Variants in SYT1 observed in about 807,000 individuals in gnomAD.
The protein encoded by SYT1 is synaptotagmin-1.
A neutral mutation model predicts 44.8 loss-of-function variants in SYT1; 8 were observed. The ratio of observed to expected loss-of-function variants is 0.18; its 90% CI spans 0.10 to 0.32. The LOEUF is 0.32. SYT1 is among the 10% of genes least tolerant of loss of function. The pLI, the probability that SYT1 is intolerant of heterozygous loss-of-function variation, is 1.00. For missense variants in SYT1, 286 were observed against 509.3 expected, an observed-to-expected ratio of 0.56 and a Z score of 4.22; for synonymous variants, 154 against 188.8, an observed-to-expected ratio of 0.82 and a Z score of 1.51.
At chr12:79,280,209 A>G (rs1200667084) in intron 4 of SYT1, among the ~76,000 whole-genome samples, 1 of 152,146 alleles carries the variant, frequency 6.6e-6, no homozygotes, top group Non-Finnish European at 1.5e-5. Context: ...AAAATAACAA[A>G]TCTGGCAATA....
chr12:79,339,858 G>A (rs1882278920), intron 8 of SYT1, among the ~76,000 whole-genome samples: 1 of 152,164 alleles, frequency 6.6e-6, no homozygotes. Flanking sequence ...AAGGTGTAAG[G>A]AAGGGATCCA....
intron 4 of SYT1, among the ~76,000 whole-genome samples, chr12:79,247,512 T>C (rs1211160460): frequency 6.6e-6 from 1 of 152,154 alleles, no homozygotes; most frequent in African/African-American, 2.4e-5. Flanking sequence ...AGAAACAATT[T>C]ATGGGAAATT....
intron 1 of SYT1, among the ~76,000 whole-genome samples, chr12:78,869,229 G>A (rs955963306): frequency 6.6e-6 from 1 of 151,850 alleles, no homozygotes; most frequent in Non-Finnish European, 1.5e-5. Context: ...AAGATAACCA[G>A]CATTTTTCTT....
At chr12:79,207,183 G>A (rs1379928441) in intron 3 of SYT1, among the ~76,000 whole-genome samples, 2 of 152,138 alleles carry the variant, frequency 1.3e-5, no homozygotes, top group East Asian at 3.9e-4. Flanking sequence ...TGCTGTAGGG[G>A]GTGGTCACAC....
chr12:79,440,094 T>C lies in SYT1; in HGVS notation c.929-3979T>C, dbSNP rs375549044. ...TACAAAAATTAGCTGGGCATGTGCC[T>C]GTAATCCCAGCTACTTGGGAGGCTG... On this transcript the variant is annotated intron_variant, in intron 9 of 10. Transcript: ENST00000261205. 8.5e-5 allele frequency among the ~76,000 whole-genome samples: 13 copies of C among 152,186 alleles called. 1 individual carries two copies. In the East Asian group the frequency reaches 2.3e-3, roughly 27 times the overall value.
chr12:79,265,221 T>C (rs1282016235), intron 4 of SYT1, among the ~76,000 whole-genome samples: 1 of 152,168 alleles, frequency 6.6e-6, no homozygotes, highest in Non-Finnish European at 1.5e-5. Flanking sequence ...AGGGTTTTTA[T>C]GCTTATCTCT....
chr12:79,026,802 T>C (rs960020872), intron 2 of SYT1, among the ~76,000 whole-genome samples: 2 of 150,226 alleles, frequency 1.3e-5, no homozygotes, highest in African/African-American at 2.4e-5. Context: ...TGGAGATATC[T>C]CTTTGAGATA....
intron 4 of SYT1, among the ~76,000 whole-genome samples, chr12:79,223,224 ACTTCAGT>A (rs1176007148): frequency 6.6e-6 from 1 of 152,194 alleles, no homozygotes; most frequent in Middle Eastern, 3.2e-3. Context: ...ATAGGCACTT[ACTTCAGT>A]CTTCACAGTC....
chr12:78,989,595 G>A (rs1467291909), intron 2 of SYT1, among the ~76,000 whole-genome samples: 2 of 152,024 alleles, frequency 1.3e-5, no homozygotes, highest in African/African-American at 2.4e-5. Flanking sequence ...TTTAAAGTTA[G>A]CTCTCTTATC....
At chr12:79,036,800 G>C (rs935902080) in intron 2 of SYT1, among the ~76,000 whole-genome samples, 2 of 151,368 alleles carry the variant, frequency 1.3e-5, no homozygotes, top group South Asian at 4.2e-4. Context: ...TTCATATCAG[G>C]CTATTCTCTT....
chr12:78,958,548 T>C (rs1879333863), intron 1 of SYT1, among the ~76,000 whole-genome samples: 3 of 151,856 alleles, frequency 2.0e-5, no homozygotes, highest in Admixed American at 1.3e-4. Context: ...TACAAAAATA[T>C]GCTGGGTGTG....
chr12:79,129,040 T>C (rs1868629073), intron 3 of SYT1, among the ~76,000 whole-genome samples: 1 of 152,190 alleles, frequency 6.6e-6, no homozygotes, highest in African/African-American at 2.4e-5. Context: ...CATTTTATGT[T>C]AGAGGAGCAT....
intron 1 of SYT1, among the ~76,000 whole-genome samples, chr12:78,939,356 G>T (rs531341943): frequency 8.5e-5 from 13 of 152,232 alleles, no homozygotes; most frequent in African/African-American, 3.1e-4. Context: ...TAGGATTTAA[G>T]TTTATTGTTT....
chr12:79,449,404 C>A lies in SYT1; in HGVS notation c.*280C>A. 1 of 366,850 alleles carries A rather than the reference C, an allele frequency of 2.7e-6. No individual in the cohort carries two copies. Among genetic ancestry groups the A allele is most frequent in the Non-Finnish European group, 5.0e-6 (1 of 200,994 alleles). 22.7% of individuals were successfully genotyped at this position (366,850 alleles called of 1,614,324 possible). ...TTATTGTATCACACTGTTGTATATA[C>A]CAGTATGCTAAAGATTTATTTCTAG... On this transcript the variant is annotated 3_prime_UTR_variant, in exon 11 of 11. Coordinates refer to ENST00000261205, the MANE Select transcript of SYT1 (RefSeq NM_005639.3).
intron 2 of SYT1, among the ~76,000 whole-genome samples, chr12:78,979,298 A>T (rs971969605): frequency 6.6e-6 from 1 of 152,150 alleles, no homozygotes; most frequent in African/African-American, 2.4e-5. Context: ...TCTCTTCTAC[A>T]TTAATGTCTT....
chr12:78,881,987 T>A (rs886859194), intron 1 of SYT1, among the ~76,000 whole-genome samples: 41 of 148,610 alleles, frequency 2.8e-4, no homozygotes, highest in Admixed American at 2.4e-3. Context: ...GTATTTTTTT[T>A]ATAACATTTG....
At chr12:79,169,450 G>A (rs554095795) in intron 3 of SYT1, among the ~76,000 whole-genome samples, 4 of 151,928 alleles carry the variant, frequency 2.6e-5, no homozygotes, top group Non-Finnish European at 5.9e-5. Context: ...CTTATTTAGC[G>A]ATCTGCTTAT....
At chr12:79,143,425 C>A (rs1051314059) in intron 3 of SYT1, among the ~76,000 whole-genome samples, 1 of 152,088 alleles carries the variant, frequency 6.6e-6, no homozygotes, top group Admixed American at 6.5e-5. Context: ...TTTAGTCTTT[C>A]TTTGGCATAG....
At chr12:79,145,286 A>C (rs982736119) in intron 3 of SYT1, among the ~76,000 whole-genome samples, 2 of 152,088 alleles carry the variant, frequency 1.3e-5, no homozygotes, top group African/African-American at 4.8e-5. Flanking sequence ...TTGATTAAAA[A>C]CATATTTTTC....
Sources: gnomAD v4.1 joint callset for allele counts (sites outside exome capture counted in the v4.1 genomes callset) on GRCh38, gnomAD v4.1.1 for gene constraint, MANE v1.5 for transcripts, NCBI Gene and HGNC (gene_info 2026-07-23, HGNC 2026-07-21) for gene names.